Variants in UGGT1 observed in about 807,000 individuals in gnomAD.
UGGT1 encodes UDP-glucose:glycoprotein glucosyltransferase 1.
A neutral mutation model predicts 203.9 loss-of-function variants in UGGT1; 107 were observed. The ratio of observed to expected loss-of-function variants is 0.52; its 90% confidence interval spans 0.45 to 0.62. The LOEUF (loss-of-function observed/expected upper bound fraction) is 0.62, where lower values mean the gene tolerates loss of function less well. Ranked by LOEUF, UGGT1 falls within the 20% of genes least tolerant of loss-of-function variation. The pLI is 0.00. For missense variants in UGGT1, 1,673 were observed against 1,867.2 expected (o/e 0.90, Z 1.92); for synonymous variants, 628 against 653.5 (o/e 0.96, Z 0.59).
chr2:128,122,449 G>T (rs187587856), intron 10 of UGGT1, among the ~76,000 whole-genome samples: 1 of 151,716 alleles, frequency 6.6e-6, no homozygotes, highest in African/African-American at 2.4e-5. Flanking sequence ...CAGGAGAATC[G>T]CTTGAACCCG....
rs1558745727 is a variant in UGGT1, at chr2:128,097,574, C to T, written c.194+10C>T. The T allele has an allele frequency of 6.2e-7, 1 of 1,613,232 alleles. No individual in the cohort carries two copies. The highest frequency in any genetic ancestry group is 1.3e-5 in the African/African-American group (1 of 74,942). On this transcript the variant is annotated intron_variant, in intron 2 of 40. Transcript: ENST00000259253. ...TGTTGTTAGAAGCCAGGTAAGAGAA[C>T]ATTTTTTTTCCCTTCGTGTATTTGA...
rs544381740 is a variant in UGGT1, at chr2:128,169,048, T to TAAAAAAA, written c.2922-1203_2922-1197dup. On this transcript the variant is annotated intron_variant, in intron 26 of 40. Coordinates refer to ENST00000259253, the MANE Select transcript of UGGT1 (RefSeq NM_020120.4). ...GGGTGAATGAGCGAGACTCTGTCTTTAAAAAAAAAAAAAAAAAAAAAAAAA... is the reference window on the plus strand; with the variant it reads ...GGGTGAATGAGCGAGACTCTGTCTTTAAAAAAAAAAAAAAAAAAAAAAAAAAAAAAAA... Among the ~76,000 whole-genome samples, 46 of 52,552 alleles carry TAAAAAAA rather than the reference T, an allele frequency of 8.8e-4. 2 individuals carry two copies. The highest frequency in any genetic ancestry group is 1.2e-3 in the African/African-American group (12 of 9,710). 34.5% of individuals were successfully genotyped at this position (52,552 alleles called of 152,430 possible). A position where few individuals can be genotyped will look rare whatever the true frequency, so the allele number is the denominator to read the frequency against.
intron 13 of UGGT1, among the ~76,000 whole-genome samples, chr2:128,129,752 C>T (rs2105416843): frequency 6.6e-6 from 1 of 152,200 alleles, no homozygotes; most frequent in East Asian, 1.9e-4. Flanking sequence ...CTGAGCATCT[C>T]TTGGGAAAAA....
chr2:128,154,594 G>A (rs1249766139), intron 19 of UGGT1, among the ~76,000 whole-genome samples: 1 of 152,128 alleles, frequency 6.6e-6, no homozygotes, highest in African/African-American at 2.4e-5. Context: ...TATCGGCATG[G>A]TGTGCTCTCC....
At chr2:128,126,705 G>A (rs1226985140) in intron 11 of UGGT1, among the ~76,000 whole-genome samples, 3 of 50,086 alleles carry the variant, frequency 6.0e-5, no homozygotes, top group African/African-American at 1.7e-4. Context: ...TTTTTTTTGA[G>A]ACAGTCTTGC....
chr2:128,187,580 G>A lies in UGGT1; in HGVS notation c.4608G>A (p.Leu1536=). The A allele has an allele frequency of 6.2e-7, 1 of 1,613,830 alleles. No homozygotes were observed. The part of the protein sequence containing the change: ...RFQKEKETGA[L]YKEKTKEPSR... ...AGAAGGAGAAAGAAACGGGAGCACTGTACAAAGAGAAGACAAAAGAACCAA... is the reference window on the plus strand; with the variant it reads ...AGAAGGAGAAAGAAACGGGAGCACTATACAAAGAGAAGACAAAAGAACCAA... The change falls in exon 40 of 41, where the codon CTG becomes CTA. Residue 1536 remains leucine (L), a synonymous_variant. Coordinates refer to ENST00000259253, the MANE Select transcript of UGGT1 (RefSeq NM_020120.4).
chr2:128,182,342 A>G, intron 37 of UGGT1, 52 bp downstream of exon 37: 1 of 1,549,368 alleles, frequency 6.5e-7, no homozygotes, highest in East Asian at 2.3e-5. Flanking sequence ...CTTAAAATTG[A>G]TTTTGTGTGG....
At chr2:128,176,096 T>A (rs1691356299) in intron 31 of UGGT1, among the ~76,000 whole-genome samples, 1 of 152,178 alleles carries the variant, frequency 6.6e-6, no homozygotes, top group African/African-American at 2.4e-5. Flanking sequence ...CAGATTTCCT[T>A]TACAACACTA....
chr2:128,148,517 A>G (rs1573573489), intron 18 of UGGT1, among the ~76,000 whole-genome samples: 1 of 152,158 alleles, frequency 6.6e-6, no homozygotes, highest in East Asian at 1.9e-4. Flanking sequence ...AGTTTTCCCC[A>G]AGGGTCTCTG....
chr2:128,185,169 A>G (rs1386582420), intron 38 of UGGT1, among the ~76,000 whole-genome samples: 3 of 149,150 alleles, frequency 2.0e-5, no homozygotes, highest in Admixed American at 2.0e-4. Flanking sequence ...GAGTTCAAAA[A>G]TGGTATCACC....
chr2:128,173,683 A>G, intron 29 of UGGT1, 98 bp from the exon 30 acceptor site: 1 of 1,325,010 alleles, frequency 7.5e-7, no homozygotes, highest in East Asian at 2.4e-5. Flanking sequence ...TATATTATGT[A>G]AGTCCTTTTT....
At position 128,138,603 on chromosome 2, in the gene UGGT1, CAA is replaced by C. The variant is rs997964726; in HGVS notation, c.1584-112_1584-111del. 2.2e-5 allele frequency: 28 copies of C among 1,276,146 alleles called. 1 individual carries two copies. Among genetic ancestry groups the C allele is most frequent in the Middle Eastern group, 2.3e-4 (1 of 4,416 alleles). 79.1% of individuals were successfully genotyped at this position (1,276,146 alleles called of 1,614,324 possible). On this transcript the variant is annotated intron_variant, in intron 15 of 40. Coordinates refer to ENST00000259253, the MANE Select transcript of UGGT1 (RefSeq NM_020120.4). Reference sequence around the variant, plus strand: ...TAGGCTGTGAACTGTGCTTTTCACTCAAAGAGTTTTCCTCTGTTAGCTATAAT... The same window carrying C: ...TAGGCTGTGAACTGTGCTTTTCACTCAGAGTTTTCCTCTGTTAGCTATAAT...
At chr2:128,180,097 T>G (rs1325822656) in intron 35 of UGGT1, among the ~76,000 whole-genome samples, 2 of 152,222 alleles carry the variant, frequency 1.3e-5, no homozygotes, top group Admixed American at 1.3e-4. Context: ...AGTCTTTTGT[T>G]GTTGTTATTA....
chr2:128,122,304 G>A (rs1049180529), intron 10 of UGGT1, among the ~76,000 whole-genome samples: 17 of 151,956 alleles, frequency 1.1e-4, no homozygotes, highest in Non-Finnish European at 2.1e-4. Flanking sequence ...ACGACAAGGT[G>A]GGTGGATCAC....
chr2:128,135,468 T>C (rs1689089873), intron 15 of UGGT1, among the ~76,000 whole-genome samples: 1 of 152,232 alleles, frequency 6.6e-6, no homozygotes, highest in African/African-American at 2.4e-5. Flanking sequence ...GTTTTACATA[T>C]AAATGCTAAG....
At chr2:128,113,015 A>G (rs1687938918) in intron 5 of UGGT1, 69 bp from the exon 6 acceptor site, 1 of 1,343,556 alleles carries the variant, frequency 7.4e-7, no homozygotes, top group Admixed American at 2.6e-5. Context: ...ACTGTACTTT[A>G]TATTTTGTGA....
chr2:128,133,779 C>T (rs1341194496), intron 14 of UGGT1, among the ~76,000 whole-genome samples: 1 of 152,004 alleles, frequency 6.6e-6, no homozygotes, highest in African/African-American at 2.4e-5. Context: ...TCTTTAATAT[C>T]TTAATCCCTA....
intron 35 of UGGT1, 138 bp from the exon 36 acceptor site, chr2:128,180,752 C>T: frequency 2.5e-6 from 2 of 808,844 alleles, no homozygotes; most frequent in East Asian, 2.7e-5. Context: ...ATGAGTGGGT[C>T]ACGGCCGGTC....
At position 128,113,261 on chromosome 2, in the gene UGGT1, A is replaced by G; in HGVS notation, c.696+3A>G. On this transcript the variant is annotated splice_donor_region_variant and intron_variant, in intron 6 of 40. Coordinates refer to ENST00000259253, the MANE Select transcript of UGGT1 (RefSeq NM_020120.4). ...ATGTATTCAGACATTATATATTTGT[A>G]AGTATTGACTTATTTTACACCTGTT... The G allele has an allele frequency of 6.3e-7, 1 of 1,590,084 alleles. No homozygotes were observed. Among genetic ancestry groups the G allele is most frequent in the Non-Finnish European group, 8.6e-7 (1 of 1,165,696 alleles).
Sources: gnomAD v4.1 joint callset for allele counts (sites outside exome capture counted in the v4.1 genomes callset) on GRCh38, gnomAD v4.1.1 for gene constraint, MANE v1.5 for transcripts, NCBI Gene and HGNC (gene_info 2026-07-23, HGNC 2026-07-21) for gene names.